Variants in CELSR1 observed in about 807,000 individuals in gnomAD.
CELSR1 encodes cadherin EGF LAG seven-pass G-type receptor 1, also known as adhesion G protein-coupled receptor C1.
CELSR1 carries 110 observed loss-of-function variants against 249.1 expected under a neutral mutation model. The observed-to-expected ratio is 0.44, with a 90% CI of 0.38 to 0.52. The LOEUF is 0.52. CELSR1 is among the 20% of genes least tolerant of loss of function. The pLI, the probability that CELSR1 is intolerant of heterozygous loss-of-function variation, is 0.00. For synonymous variants in CELSR1, 2,113 were observed against 1,900.0 expected, an observed-to-expected ratio of 1.11 and a Z score of -2.92; for missense variants, 4,109 against 4,296.4, an observed-to-expected ratio of 0.96 and a Z score of 1.22.
Position 46,447,840 on chromosome 22 carries a change from G to T in CELSR1, c.4184-8429C>A, listed in dbSNP as rs2079837681. On this transcript the variant is annotated intron_variant, in intron 2 of 34. Coordinates refer to ENST00000674500, the MANE Select transcript of CELSR1 (RefSeq NM_001378328.1). This position sits in a 1 kb window ranked among gnomAD's most constrained non-coding sequence, Gnocchi z 4.7. ...TCACCATGTTGGCCAGGCTGGTCTCGAACTCCTGACCTCAGGTGATCTGCT... is the reference window on the plus strand; with the variant it reads ...TCACCATGTTGGCCAGGCTGGTCTCTAACTCCTGACCTCAGGTGATCTGCT... 6.6e-6 allele frequency among the ~76,000 whole-genome samples: 1 copy of T among 152,044 alleles called. No homozygotes were observed. Among genetic ancestry groups the T allele is most frequent in the Admixed American group, 6.5e-5 (1 of 15,274 alleles).
Position 46,536,440 on chromosome 22 carries a change from T to C in CELSR1, c.731A>G (p.Lys244Arg). 6.2e-7 allele frequency: 1 copy of C among 1,611,986 alleles called. No homozygotes were observed. The highest frequency in any genetic ancestry group is 8.5e-7 in the Non-Finnish European group (1 of 1,179,578). Reference sequence around the variant, plus strand: ...CACCTGGTAGTTGGGCATCGGAAACTTCAGGCTCCCTCTGCCGCTCGTGCC... The same window carrying C: ...CACCTGGTAGTTGGGCATCGGAAACCTCAGGCTCCCTCTGCCGCTCGTGCC... Reference protein sequence around the residue: ...RRGTSGRGSLKFPMPNYQVAL... With the variant: ...RRGTSGRGSLRFPMPNYQVAL... The change falls in exon 1 of 35, where the codon AAG (lysine) becomes AGG (arginine). Residue 244 changes from lysine (K) to arginine (R), a missense_variant. This residue lies in a region of CELSR1 where 673 missense variants were observed against 636.8 expected (regional missense o/e 1.06). Transcript: ENST00000674500.
At chr22:46,392,464 C>T (rs1473720412) in intron 14 of CELSR1, among the ~76,000 whole-genome samples, 1 of 152,230 alleles carries the variant, frequency 6.6e-6, no homozygotes, top group Non-Finnish European at 1.5e-5. Flanking sequence ...GAACGACAGG[C>T]CCAGAAGAGA....
intron 1 of CELSR1, among the ~76,000 whole-genome samples, chr22:46,524,774 A>G (rs2080722512): frequency 6.6e-6 from 1 of 152,128 alleles, no homozygotes; most frequent in South Asian, 2.1e-4. Context: ...GAATTCAGTC[A>G]CTGGTGTTTT....
chr22:46,486,640 T>C (rs1194984706), intron 1 of CELSR1, among the ~76,000 whole-genome samples: 2 of 151,796 alleles, frequency 1.3e-5, no homozygotes, highest in African/African-American at 2.4e-5. Context: ...GTCAGGAGTT[T>C]GAGACCAGCT....
Position 46,377,131 on chromosome 22 carries a change from T to C in CELSR1, c.7514A>G (p.Lys2505Arg). The C allele has an allele frequency of 2.5e-6, 4 of 1,613,286 alleles. No homozygotes were observed. Among genetic ancestry groups the C allele is most frequent in the Non-Finnish European group, 2.5e-6 (3 of 1,179,840 alleles). ...MLRSNLHSIH[K>R]HLAVALFLSQ... ...GAGGAAGAGCGCCACGGCGAGGTGC[T>C]TGTGAATGCTGTGCAGGTTGGAGCG... The change falls in exon 24 of 35, where the codon AAG (lysine) becomes AGG (arginine). Residue 2505 changes from lysine to arginine, a missense_variant. By Grantham distance (26) the Lys-to-Arg change is conservative. Coordinates refer to ENST00000674500, the MANE Select transcript of CELSR1 (RefSeq NM_001378328.1).
At chr22:46,501,058 G>C (rs2080461504) in intron 1 of CELSR1, among the ~76,000 whole-genome samples, 1 of 151,548 alleles carries the variant, frequency 6.6e-6, no homozygotes, top group African/African-American at 2.4e-5. Context: ...TATTGAGACA[G>C]AGTCTTGCTC....
At chr22:46,481,595 C>T (rs934030267) in intron 1 of CELSR1, 5 of 779,080 alleles carry the variant, frequency 6.4e-6, no homozygotes, top group African/African-American at 5.2e-5. Flanking sequence ...CACTGGTGCA[C>T]CTGCTCCGTG....
At chr22:46,418,064 G>A (rs1186360110) in intron 5 of CELSR1, among the ~76,000 whole-genome samples, 1 of 152,266 alleles carries the variant, frequency 6.6e-6, no homozygotes, top group African/African-American at 2.4e-5. Context: ...TGAATGACAT[G>A]TGTGAAGTGC....
intron 33 of CELSR1, 64 bp from the exon 34 acceptor site, chr22:46,364,315 G>C (rs1051089757): frequency 2.5e-6 from 4 of 1,574,866 alleles, no homozygotes; most frequent in Non-Finnish European, 3.4e-6. Flanking sequence ...CTGCTGGGCC[G>C]TGTGCAGCTG....
At chr22:46,519,702 C>T (rs2080665172) in intron 1 of CELSR1, among the ~76,000 whole-genome samples, 1 of 152,168 alleles carries the variant, frequency 6.6e-6, no homozygotes, top group Admixed American at 6.5e-5. Context: ...AACCAGGAAA[C>T]ACTGGACCCT....
At position 46,410,618 on chromosome 22, in the gene CELSR1, G is replaced by A. The variant is rs1308837803; in HGVS notation, c.4770-57C>T. The A allele has an allele frequency of 1.3e-6, 2 of 1,583,912 alleles. No homozygotes were observed. The highest frequency in any genetic ancestry group is 2.7e-5 in the African/African-American group (2 of 74,274). ...AGGGCGGGGAGAGGCGGCCACGGCG[G>A]GCTGGGCTCCGCAGTTGCCTCTGTG... On this transcript the variant is annotated intron_variant, in intron 6 of 34. Transcript: ENST00000674500. The surrounding 1 kb of genome is among the most constrained non-coding windows in gnomAD (Gnocchi z 6.8).
chr22:46,463,057 C>T (rs995840654), intron 2 of CELSR1: 33 of 328,428 alleles, frequency 1.0e-4, no homozygotes, highest in African/African-American at 7.3e-4. Flanking sequence ...CACCTGAGGG[C>T]CACTTAAAAG....
chr22:46,423,999 G>A lies in CELSR1; in HGVS notation c.4611+9394C>T, dbSNP rs936937003. Among the ~76,000 whole-genome samples, 1 of 152,102 alleles carries A rather than the reference G, an allele frequency of 6.6e-6. No homozygotes were observed. The highest frequency in any genetic ancestry group is 2.4e-5 in the African/African-American group (1 of 41,420). On this transcript the variant is annotated intron_variant, in intron 5 of 34. Transcript: ENST00000674500. This position sits in a 1 kb window ranked among gnomAD's most constrained non-coding sequence, Gnocchi z 5.6. ...CAAAGAAAAAAAACACAAGTTTGTT[G>A]TTTTGGAGAGCATAGGGTTATCCTT...
Position 46,430,886 on chromosome 22 carries a change from C to T in CELSR1, c.4611+2507G>A, listed in dbSNP as rs1300662622. Among the ~76,000 whole-genome samples the T allele has an allele frequency of 6.6e-6, 1 of 152,206 alleles. No homozygotes were observed. Among genetic ancestry groups the T allele is most frequent in the African/African-American group, 2.4e-5 (1 of 41,454 alleles). ...AAGTCACGGAGCAGCAGTACTGTCT[C>T]CTTCTCGGGCTGGTGCTCATAATCT... is the stretch of plus-strand genomic sequence containing the variant. On this transcript the variant is annotated intron_variant, in intron 5 of 34. Coordinates refer to ENST00000674500, the MANE Select transcript of CELSR1 (RefSeq NM_001378328.1). This position sits in a 1 kb window ranked among gnomAD's most constrained non-coding sequence, Gnocchi z 4.6.
chr22:46,390,343 C>G lies in CELSR1; in HGVS notation c.6345+49G>C. On this transcript the variant is annotated intron_variant, in intron 17 of 34. Transcript: ENST00000674500. This position sits in a 1 kb window ranked among gnomAD's most constrained non-coding sequence, Gnocchi z 6.3. ...CCACACAAACTCTCTCACGCATACA[C>G]GAACACACACGTGCCCCTGCTGAAC... 6.9e-7 allele frequency: 1 copy of G among 1,451,298 alleles called. No individual in the cohort carries two copies. Among genetic ancestry groups the G allele is most frequent in the Non-Finnish European group, 9.5e-7 (1 of 1,049,972 alleles). The allele number at this position is 1,451,298 out of a possible 1,614,324, so 89.9% of individuals were successfully genotyped here.
chr22:46,446,853 A>G lies in CELSR1; in HGVS notation c.4184-7442T>C, dbSNP rs1413502836. Among the ~76,000 whole-genome samples the G allele has an allele frequency of 1.3e-5, 2 of 152,130 alleles. No homozygotes were observed. Among genetic ancestry groups the G allele is most frequent in the Non-Finnish European group, 2.9e-5 (2 of 68,016 alleles). On this transcript the variant is annotated intron_variant, in intron 2 of 34. Coordinates refer to ENST00000674500, the MANE Select transcript of CELSR1 (RefSeq NM_001378328.1). This position sits in a 1 kb window ranked among gnomAD's most constrained non-coding sequence, Gnocchi z 5.5. ...TTAATAAAGGACCATGAGAACCAAG[A>G]GCAACTGGGTTCTGGATGAACTGGA...
At chr22:46,481,714 T>TGCA in intron 1 of CELSR1, 2 of 539,004 alleles carry the variant, frequency 3.7e-6, no homozygotes, top group Non-Finnish European at 6.7e-6. Context: ...CACCACCTCC[T>TGCA]GCACCCGCAG....
In CELSR1 at chr22:46,536,470, C is replaced by A. The variant is rs1389717561; in HGVS notation, c.701G>T (p.Arg234Leu). The A allele has an allele frequency of 6.2e-6, 10 of 1,605,570 alleles. No individual in the cohort carries two copies. Among genetic ancestry groups the A allele is most frequent in the Non-Finnish European group, 7.6e-6 (9 of 1,176,778 alleles). The change falls in exon 1 of 35, where the codon CGG becomes CTG. Residue 234 changes from arginine to leucine, a missense_variant. Arg to Leu is a moderately radical substitution (Grantham distance 102). Transcript: ENST00000674500. ...EARAGPARRA[R>L]RGTSGRGSLK... ...GCTCCCTCTGCCGCTCGTGCCCCGCCGGGCCCGTCGCGCCGGCCCCGCCCG... is the reference window on the plus strand; with the variant it reads ...GCTCCCTCTGCCGCTCGTGCCCCGCAGGGCCCGTCGCGCCGGCCCCGCCCG...
intron 2 of CELSR1, among the ~76,000 whole-genome samples, chr22:46,444,724 A>G (rs1315977260): frequency 2.0e-5 from 3 of 152,202 alleles, no homozygotes; most frequent in Admixed American, 1.3e-4. Context: ...ATTGTCTCAC[A>G]GTCGCACAGG....
Sources: allele counts gnomAD v4.1 joint callset (sites outside exome capture counted in the v4.1 genomes callset), GRCh38; gene constraint gnomAD v4.1.1; regional missense constraint gnomAD v4.1.1; non-coding constraint Gnocchi (gnomAD v3.1); transcripts MANE v1.5; gene names NCBI Gene and HGNC (gene_info 2026-07-23, HGNC 2026-07-21).